DIP2B: variants seen among roughly 807,000 people sequenced by gnomAD.
DIP2B encodes the protein DIP2 acetate--CoA ligase B (putative), also known as disco-interacting protein 2 homolog B.
DIP2B carries 76 observed loss-of-function variants against 198.0 expected under a neutral mutation model. The observed-to-expected ratio is 0.38, with a 90% confidence interval of 0.32 to 0.46. DIP2B has a LOEUF of 0.46. Ranked by LOEUF, DIP2B falls within the 20% of genes least tolerant of loss-of-function variation. The probability of loss-of-function intolerance (pLI) is 0.99; values close to 1 mark genes in which losing one functional copy is unlikely to be tolerated. For synonymous variants in DIP2B, 701 were observed against 739.1 expected, an observed-to-expected ratio of 0.95 and a Z score of 0.84; for missense variants, 1,559 against 1,978.4, an observed-to-expected ratio of 0.79 and a Z score of 4.02.
At chr12:50,743,217 G>A (rs550319655) in intron 37 of DIP2B, among the ~76,000 whole-genome samples, 105 of 152,132 alleles carry the variant, frequency 6.9e-4, no homozygotes, top group East Asian at 1.9e-4. Flanking sequence ...CGGGTAGCTG[G>A]GACTACAGGC....
intron 3 of DIP2B, among the ~76,000 whole-genome samples, chr12:50,654,817 T>C (rs1456956539): frequency 6.6e-6 from 1 of 152,156 alleles, no homozygotes; most frequent in African/African-American, 2.4e-5. Flanking sequence ...ATTAAAACTA[T>C]ACTAGGATAT....
At chr12:50,630,882 G>T (rs1397061482) in intron 2 of DIP2B, among the ~76,000 whole-genome samples, 1 of 151,774 alleles carries the variant, frequency 6.6e-6, no homozygotes, top group African/African-American at 2.4e-5. Context: ...TGTTCATCAG[G>T]CTGGTCTCGA....
At chr12:50,653,449 C>T (rs931795847) in intron 3 of DIP2B, among the ~76,000 whole-genome samples, 48 of 151,140 alleles carry the variant, frequency 3.2e-4, no homozygotes, top group Middle Eastern at 3.4e-3. Context: ...CAACCCCGCC[C>T]CTACCCCCAG....
intron 3 of DIP2B, among the ~76,000 whole-genome samples, chr12:50,651,599 T>G (rs1035432420): frequency 6.6e-6 from 1 of 152,210 alleles, no homozygotes; most frequent in African/African-American, 2.4e-5. Context: ...TTCCTCATTG[T>G]GTAGTTTTGG....
At chr12:50,553,667 G>A (rs944934651) in intron 1 of DIP2B, among the ~76,000 whole-genome samples, 8 of 151,926 alleles carry the variant, frequency 5.3e-5, no homozygotes, top group Admixed American at 3.9e-4. Flanking sequence ...CTTTTGTTTC[G>A]TTCTGAGACA....
intron 28 of DIP2B, among the ~76,000 whole-genome samples, chr12:50,725,855 C>CTT (rs74550223): frequency 2.9e-5 from 4 of 140,180 alleles, no homozygotes; most frequent in African/African-American, 5.2e-5. Context: ...CCTCCCTACC[C>CTT]TTTTTTTTTT....
Position 50,710,311 on chromosome 12 carries a change from C to G in DIP2B, c.2649+1749C>G, listed in dbSNP as rs529751175. Among the ~76,000 whole-genome samples the G allele has an allele frequency of 1.1e-3, 161 of 152,256 alleles. 1 individual carries two copies. The highest frequency in any genetic ancestry group is 3.4e-3 in the African/African-American group (143 of 41,538). On this transcript the variant is annotated intron_variant, in intron 22 of 37. Transcript: ENST00000301180. ...ACTTAGGTATCAGTGGAAGTCTTCCCAAGATCTGTAACTTCTCTACTTGGG... is the reference window on the plus strand; with the variant it reads ...ACTTAGGTATCAGTGGAAGTCTTCCGAAGATCTGTAACTTCTCTACTTGGG...
At chr12:50,606,738 G>A (rs1958985156) in intron 1 of DIP2B, among the ~76,000 whole-genome samples, 3 of 151,240 alleles carry the variant, frequency 2.0e-5, no homozygotes, top group South Asian at 2.1e-4. Flanking sequence ...TCAAGCAATC[G>A]TCCCACTTCA....
intron 18 of DIP2B, among the ~76,000 whole-genome samples, 189 bp downstream of exon 18, chr12:50,698,656 A>G (rs1939362428): frequency 6.6e-6 from 1 of 152,228 alleles, no homozygotes; most frequent in African/African-American, 2.4e-5. Flanking sequence ...TGTATGACTT[A>G]CCAGTTGTGA....
intron 14 of DIP2B, among the ~76,000 whole-genome samples, chr12:50,694,250 C>G (rs1234494909): frequency 1.3e-5 from 2 of 152,110 alleles, no homozygotes; most frequent in African/African-American, 4.8e-5. Flanking sequence ...AATCCCAGCA[C>G]TTTGAGAGGC....
Position 50,714,454 on chromosome 12 carries a change from A to G in DIP2B, c.2709A>G (p.Thr903=), listed in dbSNP as rs1403741538. The G allele has an allele frequency of 5.0e-6, 8 of 1,614,096 alleles. No individual in the cohort carries two copies. The African/African-American group carries it at 6.7e-5, about 13-fold the overall frequency. Residue 903 remains threonine (T), a synonymous_variant, in exon 23 of 38, where the codon ACA becomes ACG. Coordinates refer to ENST00000301180, the MANE Select transcript of DIP2B (RefSeq NM_173602.3). The part of the protein sequence containing the change: ...VYCLALVPAN[T]LPKTPLGGIH... ...GTCTTGCTCTGGTGCCAGCCAATAC[A>G]TTGCCAAAAACTCCACTAGGAGGAA...
chr12:50,737,245 T>A, intron 35 of DIP2B, 135 bp downstream of exon 35: 1 of 776,820 alleles, frequency 1.3e-6, no homozygotes, highest in African/African-American at 1.8e-5. Context: ...CTGTAAGGCA[T>A]GAGACTGAAA....
In DIP2B at chr12:50,671,174, A is replaced by C. The variant is rs199779869; in HGVS notation, c.428-12A>C. The C allele has an allele frequency of 5.1e-5, 82 of 1,611,806 alleles. No individual in the cohort carries two copies. The highest frequency in any genetic ancestry group is 6.8e-5 in the Non-Finnish European group (80 of 1,179,284). Reference sequence around the variant, plus strand: ...TAGGATCGAGAACTTCTTTTTTTCTAATTCCACACAGACACATCTTCGGCC... The same window carrying C: ...TAGGATCGAGAACTTCTTTTTTTCTCATTCCACACAGACACATCTTCGGCC... On this transcript the variant is annotated splice_polypyrimidine_tract_variant and intron_variant, in intron 4 of 37. Coordinates refer to ENST00000301180, the MANE Select transcript of DIP2B (RefSeq NM_173602.3).
chr12:50,608,405 T>C, intron 1 of DIP2B, among the ~76,000 whole-genome samples: 1 of 152,086 alleles, frequency 6.6e-6, no homozygotes, highest in East Asian at 1.9e-4. Flanking sequence ...TTGGATCACA[T>C]GAGGCCAGGA....
At chr12:50,635,780 T>A (rs4293181) in intron 2 of DIP2B, among the ~76,000 whole-genome samples, 6,230 of 152,266 alleles carry the variant, frequency 0.041, 207 homozygotes, top group East Asian at 0.14. Flanking sequence ...GAGGCACACA[T>A]TTTTGCATAC....
intron 7 of DIP2B, among the ~76,000 whole-genome samples, 156 bp downstream of exon 7, chr12:50,675,604 T>G (rs1938932924): frequency 6.6e-6 from 1 of 152,198 alleles, no homozygotes; most frequent in Non-Finnish European, 1.5e-5. Flanking sequence ...AATGATTATC[T>G]GTATTTTAGA....
intron 34 of DIP2B, 68 bp downstream of exon 34, chr12:50,735,198 G>A (rs879185253): frequency 7.7e-6 from 12 of 1,563,184 alleles, no homozygotes; most frequent in African/African-American, 1.4e-5. Context: ...AAAGAAACCA[G>A]AAGCCATATA....
intron 10 of DIP2B, among the ~76,000 whole-genome samples, chr12:50,684,173 T>C (rs1939093191): frequency 6.6e-6 from 1 of 152,200 alleles, no homozygotes; most frequent in Non-Finnish European, 1.5e-5. Context: ...TGATCATTTA[T>C]AAAGAATCCC....
chr12:50,602,008 T>A (rs74902569), intron 1 of DIP2B, among the ~76,000 whole-genome samples: 2,088 of 152,310 alleles, frequency 0.014, 42 homozygotes, highest in African/African-American at 0.047. Flanking sequence ...TTTCTCATGT[T>A]ATTAGCCACT....
Sources: gnomAD v4.1 joint callset for allele counts (sites outside exome capture counted in the v4.1 genomes callset) on GRCh38, gnomAD v4.1.1 for gene constraint, MANE v1.5 for transcripts, NCBI Gene and HGNC (gene_info 2026-07-23, HGNC 2026-07-21) for gene names.